OR7C1: variants seen among roughly 807,000 people sequenced by gnomAD.
OR7C1 encodes the protein olfactory receptor 7C1.
For missense variants in OR7C1, 324 were observed against 383.3 expected, an observed-to-expected ratio of 0.85 and a Z score of 1.29; for synonymous variants, 152 against 160.7, an observed-to-expected ratio of 0.95 and a Z score of 0.41.
intron 1 of OR7C1, among the ~76,000 whole-genome samples, chr19:14,819,869 TTCTA>T (rs1453290213): frequency 1.3e-5 from 2 of 152,202 alleles, no homozygotes; most frequent in African/African-American, 4.8e-5. Flanking sequence ...AATGGTTATT[TTCTA>T]TCTTTTTCTT....
intron 1 of OR7C1, among the ~76,000 whole-genome samples, chr19:14,823,575 C>CA: frequency 6.6e-6 from 1 of 152,308 alleles, no homozygotes; most frequent in Middle Eastern, 3.4e-3. Flanking sequence ...AAATAGTGTA[C>CA]ATTGTACCCA....
chr19:14,825,407 G>A (rs910774224), intron 1 of OR7C1: 1 of 152,054 alleles, frequency 6.6e-6, no homozygotes, highest in Non-Finnish European at 1.5e-5. Flanking sequence ...ATATTATACT[G>A]TACACTGTGA....
intron 1 of OR7C1, chr19:14,827,965 T>C (rs769684393): frequency 3.5e-5 from 57 of 1,614,002 alleles, no homozygotes; most frequent in Admixed American, 1.0e-4. Flanking sequence ...GCTATGTAGG[T>C]GATGACTTTG....
chr19:14,827,257 AC>A, intron 1 of OR7C1: 1 of 1,506,574 alleles, frequency 6.6e-7, no homozygotes, highest in Non-Finnish European at 8.8e-7. Flanking sequence ...GACAGTTACT[AC>A]CTCTGAAGCT....
At chr19:14,827,541 T>G (rs778267632) in intron 1 of OR7C1, 2 of 1,614,162 alleles carry the variant, frequency 1.2e-6, no homozygotes, top group East Asian at 4.5e-5. Context: ...TGCCTTGTAC[T>G]TCCCCTGAGC....
At chr19:14,830,508 C>G (rs2044820985) in intron 1 of OR7C1, among the ~76,000 whole-genome samples, 1 of 152,100 alleles carries the variant, frequency 6.6e-6, no homozygotes, top group Non-Finnish European at 1.5e-5. Flanking sequence ...ATAAAAGCGA[C>G]CCTGGTTATG....
chr19:14,820,363 A>G (rs1325289180), intron 1 of OR7C1, among the ~76,000 whole-genome samples: 2 of 108,146 alleles, frequency 1.8e-5, no homozygotes, highest in East Asian at 3.0e-4. Context: ...ATACATGGAC[A>G]TGGGGAGGGG....
At chr19:14,824,630 G>A (rs769481356) in intron 1 of OR7C1, 16 of 152,122 alleles carry the variant, frequency 1.1e-4, no homozygotes, top group Non-Finnish European at 2.2e-4. Context: ...CACCATTGAT[G>A]AGCACCTGCA....
chr19:14,820,059 G>A lies in OR7C1; in HGVS notation c.-622-10066C>T, dbSNP rs372074160. ...GTAGCTGGGATTACAGGCATGCGCC[G>A]CCACTCTGCCCAGCTAATTTTTTGT... On this transcript the variant is annotated intron_variant, in intron 1 of 4. Transcript: ENST00000641666. Among the ~76,000 whole-genome samples the A allele has an allele frequency of 1.3e-3, 198 of 152,016 alleles. 5 individuals are homozygous for A. The South Asian group carries it at 0.038, about 29-fold the overall frequency.
Position 14,800,099 on chromosome 19 carries a change from A to AG in OR7C1, c.37dup (p.Leu13ProfsTer58), listed in dbSNP as rs1437537610. 2.5e-6 allele frequency: 4 copies of AG among 1,596,450 alleles called. No individual in the cohort carries two copies. The highest frequency in any genetic ancestry group is 3.4e-6 in the Non-Finnish European group (4 of 1,168,102). On this transcript the variant is annotated frameshift_variant, in exon 5 of 5. Transcript: ENST00000641666. LOFTEE classifies it low-confidence loss of function (END_TRUNC). ...TGACGTTGCTGAAAATCCCAGGAGG[A>AG]GAAATTCTTGGGCATGTGTTTGATT...
At chr19:14,808,371 TG>T (rs1189967652) in intron 2 of OR7C1, among the ~76,000 whole-genome samples, 1 of 151,998 alleles carries the variant, frequency 6.6e-6, no homozygotes, top group Non-Finnish European at 1.5e-5. Context: ...TCAACTTAAG[TG>T]TCCACCAATG....
At chr19:14,823,381 G>A (rs143544276) in intron 1 of OR7C1, among the ~76,000 whole-genome samples, 16 of 152,348 alleles carry the variant, frequency 1.1e-4, no homozygotes, top group Admixed American at 3.3e-4. Context: ...GAACTTGGGA[G>A]GTGGAGGTTG....
chr19:14,829,288 C>T (rs2044807935), intron 1 of OR7C1, among the ~76,000 whole-genome samples: 1 of 152,232 alleles, frequency 6.6e-6, no homozygotes, highest in South Asian at 2.1e-4. Flanking sequence ...ACTGCAACCT[C>T]CACCTCCCAG....
chr19:14,829,136 G>A (rs2044805822), intron 1 of OR7C1, among the ~76,000 whole-genome samples: 1 of 152,226 alleles, frequency 6.6e-6, no homozygotes, highest in South Asian at 2.1e-4. Context: ...CAAGATTCAT[G>A]AAGTTATCTG....
intron 1 of OR7C1, among the ~76,000 whole-genome samples, chr19:14,810,347 C>T (rs1041266384): frequency 6.6e-6 from 1 of 150,826 alleles, no homozygotes; most frequent in African/African-American, 2.5e-5. Flanking sequence ...TGGTTTTGTC[C>T]CCTAACCACA....
intron 1 of OR7C1, among the ~76,000 whole-genome samples, chr19:14,810,443 A>G (rs1024876960): frequency 2.0e-5 from 3 of 150,900 alleles, no homozygotes; most frequent in Admixed American, 6.6e-5. Flanking sequence ...GCAGTGGCGC[A>G]ATCTTGGCTC....
chr19:14,805,759 C>T (rs8103247), intron 2 of OR7C1, among the ~76,000 whole-genome samples: 27,579 of 151,700 alleles, frequency 0.18, 3,159 homozygotes, highest in African/African-American at 0.29. Flanking sequence ...GAATGACCAG[C>T]TTCATTGGGT....
intron 1 of OR7C1, among the ~76,000 whole-genome samples, chr19:14,831,906 G>A (rs1599927295): frequency 3.3e-5 from 5 of 152,000 alleles, no homozygotes; most frequent in African/African-American, 1.2e-4. Flanking sequence ...CTATTCTGTT[G>A]TATTCTATTT....
chr19:14,827,594 G>A (rs771655689), intron 1 of OR7C1: 9 of 1,614,064 alleles, frequency 5.6e-6, no homozygotes, highest in South Asian at 1.1e-5. Flanking sequence ...TAGAGTAAGA[G>A]TAAAGGATCC....
Sources: allele counts gnomAD v4.1 joint callset (sites outside exome capture counted in the v4.1 genomes callset), GRCh38; gene constraint gnomAD v4.1.1; transcripts MANE v1.5; gene names NCBI Gene and HGNC (gene_info 2026-07-23, HGNC 2026-07-21).